The following CAST variants were observed in gnomAD, a reference collection of about 807,000 sequenced individuals.
CAST encodes the protein MIR583 host.
CAST carries 76 observed loss-of-function variants against 119.6 expected under a neutral mutation model. That is an observed-to-expected ratio of 0.64 (90% CI 0.53 to 0.77). The LOEUF (loss-of-function observed/expected upper bound fraction) is 0.77, where lower values mean the gene tolerates loss of function less well. Among genes scored for constraint, CAST ranks in the 30% least tolerant of loss-of-function variants. The probability of loss-of-function intolerance (pLI) is 0.00; values close to 1 mark genes in which losing one functional copy is unlikely to be tolerated. For missense variants in CAST, 953 were observed against 946.5 expected, an observed-to-expected ratio of 1.01 and a Z score of -0.09; for synonymous variants, 319 against 331.6, an observed-to-expected ratio of 0.96 and a Z score of 0.41.
the CAST span, among the ~76,000 whole-genome samples, chr5:96,059,876 T>G: frequency 6.6e-6 from 1 of 152,106 alleles, no homozygotes; most frequent in Admixed American, 6.6e-5. Context: ...ATATTCCTGA[T>G]GCAATAGGTA....
At chr5:96,555,704 G>A (rs1746225345) in intron 1 of CAST, among the ~76,000 whole-genome samples, 1 of 152,240 alleles carries the variant, frequency 6.6e-6, no homozygotes, top group African/African-American at 2.4e-5. Context: ...GCCGAGGCTT[G>A]AGTAGGTAAA....
chr5:96,173,886 C>T, the CAST span, among the ~76,000 whole-genome samples: 1 of 151,876 alleles, frequency 6.6e-6, no homozygotes. Flanking sequence ...GACTAGGTGG[C>T]GCCCGCCACC....
chr5:96,230,002 G>T, the CAST span, among the ~76,000 whole-genome samples: 1 of 152,134 alleles, frequency 6.6e-6, no homozygotes, highest in Non-Finnish European at 1.5e-5. Flanking sequence ...AACCTGAGAG[G>T]TGTCAGGGAT....
At chr5:96,575,212 ATTG>A (rs1212664134) in intron 1 of CAST, among the ~76,000 whole-genome samples, 2 of 151,976 alleles carry the variant, frequency 1.3e-5, no homozygotes, top group Non-Finnish European at 1.5e-5. Context: ...TTCACATGTT[ATTG>A]TTAGTATATA....
the CAST span, among the ~76,000 whole-genome samples, chr5:96,482,911 C>T: frequency 2.8e-4 from 43 of 152,282 alleles, no homozygotes; most frequent in East Asian, 7.3e-3. Context: ...GTCAGACAGA[C>T]ATGGGTTCAA....
At chr5:96,619,941 A>C (rs1343004774) in intron 1 of CAST, among the ~76,000 whole-genome samples, 1 of 152,224 alleles carries the variant, frequency 6.6e-6, no homozygotes. Context: ...GCAAGAGGTT[A>C]AATCTCTCCA....
At chr5:96,248,444 C>T in the CAST span, among the ~76,000 whole-genome samples, 2 of 152,146 alleles carry the variant, frequency 1.3e-5, no homozygotes, top group Admixed American at 1.3e-4. Flanking sequence ...TGTTTAAAGG[C>T]AGTAATTTCA....
At chr5:96,770,048 AG>A (rs1352029923) in intron 29 of CAST, 2 of 155,540 alleles carry the variant, frequency 1.3e-5, no homozygotes, top group Non-Finnish European at 2.9e-5. Context: ...TATCTTTATA[AG>A]GTGATAATTT....
chr5:96,689,017 G>C (rs974177032), intron 2 of CAST, among the ~76,000 whole-genome samples: 1 of 125,558 alleles, frequency 8.0e-6, no homozygotes, highest in Non-Finnish European at 1.6e-5. Flanking sequence ...TAGGGGTGGG[G>C]GCACACACAC....
chr5:96,313,428 T>C, the CAST span, among the ~76,000 whole-genome samples: 1 of 152,186 alleles, frequency 6.6e-6, no homozygotes, highest in East Asian at 1.9e-4. Flanking sequence ...AATTGAATCA[T>C]TCAATATGTA....
chr5:96,249,790 T>C, the CAST span, among the ~76,000 whole-genome samples: 313 of 152,310 alleles, frequency 2.1e-3, 1 homozygote, highest in African/African-American at 7.0e-3. Flanking sequence ...ATAGACTGTG[T>C]TGGGTGTGGA....
the CAST span, among the ~76,000 whole-genome samples, chr5:96,435,575 A>C: frequency 1.3e-5 from 2 of 152,230 alleles, no homozygotes; most frequent in East Asian, 3.8e-4. Flanking sequence ...CTCCAGGCCC[A>C]TCAGTGTTAT....
At chr5:96,685,226 G>A (rs533677211) in intron 2 of CAST, among the ~76,000 whole-genome samples, 6 of 151,988 alleles carry the variant, frequency 3.9e-5, no homozygotes, top group East Asian at 1.9e-4. Flanking sequence ...AAATATTGAC[G>A]GAATTGAATG....
At chr5:96,424,886 C>G in the CAST span, among the ~76,000 whole-genome samples, 1 of 151,200 alleles carries the variant, frequency 6.6e-6, no homozygotes, top group Non-Finnish European at 1.5e-5. Context: ...TCGCTTGAAG[C>G]CAGGAGACAG....
chr5:96,725,461 A>G (rs1385548486), intron 4 of CAST, among the ~76,000 whole-genome samples: 1 of 152,158 alleles, frequency 6.6e-6, no homozygotes, highest in Non-Finnish European at 1.5e-5. Context: ...GTCTTTAGGG[A>G]GTTATTTAAC....
the CAST span, among the ~76,000 whole-genome samples, chr5:96,132,018 A>G: frequency 6.6e-6 from 1 of 152,132 alleles, no homozygotes; most frequent in South Asian, 2.1e-4. Context: ...ACATTTCAAA[A>G]CTGTTCAATT....
chr5:96,330,870 G>T, the CAST span, among the ~76,000 whole-genome samples: 1 of 152,124 alleles, frequency 6.6e-6, no homozygotes, highest in Non-Finnish European at 1.5e-5. Context: ...CTTCGGGAGA[G>T]GGTGAAGAGT....
At chr5:96,618,148 C>T (rs1747506843) in intron 1 of CAST, among the ~76,000 whole-genome samples, 1 of 152,174 alleles carries the variant, frequency 6.6e-6, no homozygotes, top group African/African-American at 2.4e-5. Flanking sequence ...GGCCCACTTG[C>T]AGAGAGGAGA....
chr5:96,627,216 C>T (rs935932281), intron 1 of CAST, among the ~76,000 whole-genome samples: 3 of 152,184 alleles, frequency 2.0e-5, no homozygotes, highest in Admixed American at 6.5e-5. Context: ...CTAGTTACTT[C>T]GTACCTCTTA....
Sources: allele counts gnomAD v4.1 joint callset (sites outside exome capture counted in the v4.1 genomes callset), GRCh38; gene constraint gnomAD v4.1.1; transcripts MANE v1.5; gene names NCBI Gene and HGNC (gene_info 2026-07-23, HGNC 2026-07-21).